KDM4C: variants seen among roughly 807,000 people sequenced by gnomAD.
KDM4C encodes lysine demethylase 4C, also known as lysine-specific demethylase 4C.
Under a neutral mutation model 129.3 loss-of-function variants are expected in KDM4C, and 81 were observed. The observed-to-expected ratio is 0.63, with a 90% CI of 0.52 to 0.75. The LOEUF is 0.75. Ranked by LOEUF, KDM4C falls within the 30% of genes least tolerant of loss-of-function variation. The pLI, the probability that KDM4C is intolerant of heterozygous loss-of-function variation, is 0.00. For synonymous variants in KDM4C, 573 were observed against 456.1 expected (o/e 1.26, Z -3.26); for missense variants, 1,457 against 1,304.0 (o/e 1.12, Z -1.81).
At chr9:7,140,553 A>G (rs1841643516) in intron 19 of KDM4C, among the ~76,000 whole-genome samples, 2 of 152,132 alleles carry the variant, frequency 1.3e-5, no homozygotes, top group Admixed American at 6.5e-5. Flanking sequence ...CTTTTGGTAG[A>G]TAGGGAATTC....
intron 15 of KDM4C, among the ~76,000 whole-genome samples, chr9:7,021,391 T>G (rs1294833201): frequency 5.9e-5 from 9 of 152,012 alleles, no homozygotes; most frequent in Non-Finnish European, 1.5e-5. Context: ...GTGATCTGCC[T>G]TCGTCGGCCT....
At chr9:6,787,890 G>A (rs1825804200) in intron 1 of KDM4C, among the ~76,000 whole-genome samples, 1 of 152,188 alleles carries the variant, frequency 6.6e-6, no homozygotes, top group African/African-American at 2.4e-5. Flanking sequence ...AAGAGGGGGA[G>A]GAACCCCAGG....
chr9:6,807,764 G>A (rs1402183131), intron 3 of KDM4C, among the ~76,000 whole-genome samples: 2 of 147,616 alleles, frequency 1.4e-5, no homozygotes, highest in Admixed American at 6.7e-5. Context: ...GTCTCCGCCC[G>A]GCAGCCACCC....
At chr9:6,959,817 G>A (rs1356572388) in intron 8 of KDM4C, among the ~76,000 whole-genome samples, 1 of 152,046 alleles carries the variant, frequency 6.6e-6, no homozygotes, top group Non-Finnish European at 1.5e-5. Flanking sequence ...AAAAGGAAAT[G>A]CCTGTCAACT....
At chr9:7,072,269 A>C (rs954209912) in intron 17 of KDM4C, among the ~76,000 whole-genome samples, 4 of 152,246 alleles carry the variant, frequency 2.6e-5, no homozygotes, top group Middle Eastern at 3.4e-3. Context: ...TTAAACTTAC[A>C]ATTTAGCATA....
intron 5 of KDM4C, among the ~76,000 whole-genome samples, chr9:6,854,986 C>T (rs899551867): frequency 6.6e-6 from 1 of 152,120 alleles, no homozygotes; most frequent in African/African-American, 2.4e-5. Context: ...CCTTGTAAGG[C>T]AATTGTGTGG....
At chr9:7,136,950 A>C (rs1253702887) in intron 19 of KDM4C, among the ~76,000 whole-genome samples, 1 of 152,242 alleles carries the variant, frequency 6.6e-6, no homozygotes, top group Non-Finnish European at 1.5e-5. Context: ...GCTCCAGGGA[A>C]AACTCAAGCC....
At chr9:7,000,031 T>G (rs1820444926) in intron 12 of KDM4C, among the ~76,000 whole-genome samples, 2 of 152,222 alleles carry the variant, frequency 1.3e-5, no homozygotes, top group South Asian at 4.1e-4. Context: ...CTTGGAATGT[T>G]TGTTGATAGG....
At chr9:6,990,215 G>A (rs1030039382) in intron 11 of KDM4C, among the ~76,000 whole-genome samples, 6 of 152,198 alleles carry the variant, frequency 3.9e-5, no homozygotes, top group South Asian at 4.2e-4. Flanking sequence ...ATTGACCTCT[G>A]GCTAAAATTA....
intron 15 of KDM4C, among the ~76,000 whole-genome samples, chr9:7,021,525 C>T (rs1824861115): frequency 6.6e-6 from 1 of 152,056 alleles, no homozygotes; most frequent in Non-Finnish European, 1.5e-5. Flanking sequence ...GATATTTTTC[C>T]TATAGTGTTT....
chr9:6,813,914 A>AT (rs543426386), intron 3 of KDM4C, among the ~76,000 whole-genome samples: 25 of 151,892 alleles, frequency 1.6e-4, no homozygotes, highest in Non-Finnish European at 1.9e-4. Context: ...TATATTCTGT[A>AT]TTTTTTTTAG....
chr9:7,030,342 A>G (rs1360081085), intron 15 of KDM4C, among the ~76,000 whole-genome samples: 1 of 152,216 alleles, frequency 6.6e-6, no homozygotes, highest in South Asian at 2.1e-4. Flanking sequence ...TCATCATTAT[A>G]CATCATTCAT....
intron 19 of KDM4C, among the ~76,000 whole-genome samples, chr9:7,144,526 G>C (rs1485489062): frequency 6.6e-6 from 1 of 152,204 alleles, no homozygotes; most frequent in Non-Finnish European, 1.5e-5. Context: ...GGGGACATTG[G>C]CCTAGGGGAT....
intron 8 of KDM4C, among the ~76,000 whole-genome samples, chr9:6,916,756 ATACT>A (rs1210327307): frequency 2.0e-5 from 3 of 152,360 alleles, no homozygotes; most frequent in South Asian, 4.1e-4. Context: ...TGAATGTTGC[ATACT>A]TACTAAGAGG....
chr9:6,779,760 C>A (rs779497953), intron 1 of KDM4C, among the ~76,000 whole-genome samples: 1 of 152,182 alleles, frequency 6.6e-6, no homozygotes. Context: ...ATGACTGATG[C>A]TATTATCAAA....
intron 19 of KDM4C, among the ~76,000 whole-genome samples, chr9:7,148,900 A>G (rs1255397536): frequency 2.6e-5 from 4 of 152,188 alleles, no homozygotes; most frequent in Non-Finnish European, 5.9e-5. Context: ...TTGATTGGCT[A>G]AAACTTCATC....
intron 21 of KDM4C, among the ~76,000 whole-genome samples, chr9:7,172,023 C>A (rs957740946): frequency 6.6e-6 from 1 of 152,144 alleles, no homozygotes; most frequent in Non-Finnish European, 1.5e-5. Flanking sequence ...CCTGTTTCTC[C>A]CCTGGGTTGG....
chr9:6,918,533 C>T (rs916535054), intron 8 of KDM4C, among the ~76,000 whole-genome samples: 1 of 152,106 alleles, frequency 6.6e-6, no homozygotes, highest in African/African-American at 2.4e-5. Context: ...TGGGTATATA[C>T]CCATCAATAG....
At chr9:7,059,055 G>C (rs746511621) in intron 17 of KDM4C, among the ~76,000 whole-genome samples, 3 of 152,166 alleles carry the variant, frequency 2.0e-5, no homozygotes, top group Non-Finnish European at 4.4e-5. Context: ...TTTTAAATGA[G>C]ATTAGTGGTG....
Sources: allele counts gnomAD v4.1 joint callset (sites outside exome capture counted in the v4.1 genomes callset), GRCh38; gene constraint gnomAD v4.1.1; transcripts MANE v1.5; gene names NCBI Gene and HGNC (gene_info 2026-07-23, HGNC 2026-07-21).